The following RGS14 variants were observed in gnomAD, a reference collection of about 807,000 sequenced individuals.
RGS14 encodes the protein regulator of G protein signaling 14, also known as regulator of G-protein signaling 14.
Under a neutral mutation model 63.8 loss-of-function variants are expected in RGS14, and 33 were observed. That is an observed-to-expected ratio of 0.52 (90% CI 0.39 to 0.69). RGS14 has a LOEUF of 0.69. RGS14 is among the 30% of genes least tolerant of loss of function. The pLI is 0.00. For missense variants in RGS14, 739 were observed against 742.9 expected, an observed-to-expected ratio of 0.99 and a Z score of 0.06; for synonymous variants, 296 against 320.9, an observed-to-expected ratio of 0.92 and a Z score of 0.83.
intron 1 of RGS14, among the ~76,000 whole-genome samples, chr5:177,361,520 G>A (rs1224359514): frequency 6.6e-6 from 1 of 152,170 alleles, no homozygotes; most frequent in Non-Finnish European, 1.5e-5. Context: ...AGAGGGTGGG[G>A]AGGCCTCAGG....
intron 1 of RGS14, among the ~76,000 whole-genome samples, chr5:177,360,774 G>A (rs1205915253): frequency 3.9e-5 from 6 of 151,990 alleles, no homozygotes; most frequent in African/African-American, 4.8e-5. Flanking sequence ...TTAGCTGGGC[G>A]TGGTGGTATG....
In RGS14 at chr5:177,368,814, C is replaced by T; in HGVS notation, c.947C>T (p.Ala316Val). ...VYLPDGTASL[A>V]LARPGLTIRD... The stretch of plus-strand genomic sequence containing the variant: ...CTGCCCGATGGCACAGCCTCCTTGG[C>T]CCTGGCCAGACCTGGCCTCACCATC... Residue 316 changes from alanine (A) to valine (V), a missense_variant, in exon 9 of 15, where the codon GCC becomes GTC. Ala to Val is a moderately conservative substitution (Grantham distance 64). Transcript: ENST00000408923. 6.2e-7 allele frequency: 1 copy of T among 1,614,208 alleles called. No individual in the cohort carries two copies. The highest frequency in any genetic ancestry group is 8.5e-7 in the Non-Finnish European group (1 of 1,180,020).
intron 1 of RGS14, among the ~76,000 whole-genome samples, chr5:177,362,365 G>A (rs991740186): frequency 2.6e-5 from 4 of 152,158 alleles, no homozygotes; most frequent in African/African-American, 9.7e-5. Flanking sequence ...TGGCTGCTTG[G>A]GAGCACGAGG....
Position 177,367,758 on chromosome 5 carries a change from G to A in RGS14, c.672G>A (p.Glu224=). The A allele has an allele frequency of 1.2e-6, 2 of 1,613,234 alleles. No individual in the cohort carries two copies. The highest frequency in any genetic ancestry group is 1.7e-6 in the Non-Finnish European group (2 of 1,179,768). ...KPGKSLPLGV[E]ELGQLPPVEG... is the part of the protein sequence containing the mutation. ...GGAAGTCGCTGCCGCTGGGTGTGGA[G>A]GAGTTGGGGCAGCTGCCACCCGTTG... Residue 224 remains glutamate, a synonymous_variant, in exon 7 of 15, where the codon GAG becomes GAA. Coordinates refer to ENST00000408923, the MANE Select transcript of RGS14 (RefSeq NM_006480.5).
intron 7 of RGS14, 47 bp downstream of exon 7, chr5:177,367,872 G>C (rs766512982): frequency 2.7e-6 from 4 of 1,498,804 alleles, no homozygotes; most frequent in Non-Finnish European, 1.8e-6. Context: ...GCGGGAGTTT[G>C]GTTAAATTTG....
chr5:177,368,698 C>G lies in RGS14; in HGVS notation c.850-19C>G, dbSNP rs757908726. On this transcript the variant is annotated intron_variant, in intron 8 of 14. Transcript: ENST00000408923. ...TTGCATGTGTACACATAATCTCCCC[C>G]ACTCCTGCCATGAATCAGAGCCACC... 5.0e-6 allele frequency: 8 copies of G among 1,612,762 alleles called. No homozygotes were observed. In the African/African-American group the frequency reaches 5.3e-5, roughly 11 times the overall value.
At chr5:177,366,573 CGTCTGTCTGTCTGGCCCT>C (rs1762097361) in intron 3 of RGS14, 117 bp from the exon 4 acceptor site, 9 of 888,768 alleles carry the variant, frequency 1.0e-5, no homozygotes, top group African/African-American at 5.0e-5. Flanking sequence ...GGTCTGGCTC[CGTCTGTCTGTCTGGCCCT>C]GTCTGTCTGG....
intron 1 of RGS14, among the ~76,000 whole-genome samples, chr5:177,360,679 C>T (rs11956372): frequency 0.041 from 6,190 of 151,458 alleles, 428 homozygotes; most frequent in African/African-American, 0.14. Context: ...TTTAGGAGGC[C>T]GAGGCGGGCA....
chr5:177,371,079 C>CCGGGGCCGGGGA lies in RGS14; in HGVS notation c.1254+59_1254+60insACGGGGCCGGGG, dbSNP rs1762246829. The stretch of plus-strand genomic sequence containing the variant: ...GGGGCGGGGCGGGGCCGGGCCGGGG[C>CCGGGGCCGGGGA]CGGGGCCGGGGCCGGGGCCGGGGCC... On this transcript the variant is annotated intron_variant, in intron 11 of 14. Coordinates refer to ENST00000408923, the MANE Select transcript of RGS14 (RefSeq NM_006480.5). This position sits in a 1 kb window ranked among gnomAD's most constrained non-coding sequence, Gnocchi z 6.1. 4.3e-6 allele frequency: 1 copy of CCGGGGCCGGGGA among 233,096 alleles called. No homozygotes were observed. 14.4% of individuals were successfully genotyped at this position (233,096 alleles called of 1,614,324 possible).
At chr5:177,366,376 G>A in intron 3 of RGS14, 21 bp downstream of exon 3, 2 of 1,525,194 alleles carry the variant, frequency 1.3e-6, no homozygotes, top group Non-Finnish European at 1.8e-6. Flanking sequence ...GGTAGGGAAA[G>A]GGAAGGGGGG....
chr5:177,362,827 C>G (rs751551571), intron 1 of RGS14, among the ~76,000 whole-genome samples: 1 of 152,114 alleles, frequency 6.6e-6, no homozygotes, highest in Non-Finnish European at 1.5e-5. Flanking sequence ...GAGGATCTAG[C>G]AGGCAGCCCC....
rs1284810604 is a variant in RGS14 at position 177,366,691 on chromosome 5, C to A, written c.247-17C>A. Reference sequence around the variant, plus strand: ...GTCTCTGAGTCTCTGCCTGCCTCCCCCTCCTTCCCCTCCCAGGAGTTCCTG... The same window carrying A: ...GTCTCTGAGTCTCTGCCTGCCTCCCACTCCTTCCCCTCCCAGGAGTTCCTG... On this transcript the variant is annotated splice_polypyrimidine_tract_variant and intron_variant, in intron 3 of 14. Transcript: ENST00000408923. 1.9e-6 allele frequency: 3 copies of A among 1,612,782 alleles called. No individual in the cohort carries two copies. The highest frequency in any genetic ancestry group is 1.3e-5 in the African/African-American group (1 of 74,904).
In RGS14 at chr5:177,366,779, C is replaced by T. The variant is rs1330333736; in HGVS notation, c.318C>T (p.Ile106=). 1.2e-6 allele frequency: 2 copies of T among 1,614,044 alleles called. No individual in the cohort carries two copies. The highest frequency in any genetic ancestry group is 1.7e-6 in the Non-Finnish European group (2 of 1,180,036). ...FWKACERFQQ[I]PASDTQQLAQ... Reference sequence around the variant, plus strand: ...AGGCCTGCGAGCGCTTCCAGCAGATCCCGGCCAGCGATACCCAGCAGGTGG... The same window carrying T: ...AGGCCTGCGAGCGCTTCCAGCAGATTCCGGCCAGCGATACCCAGCAGGTGG... The change falls in exon 4 of 15, where the codon ATC becomes ATT. Residue 106 remains isoleucine, a synonymous_variant. Transcript: ENST00000408923.
In RGS14 at chr5:177,371,766, G is replaced by A; in HGVS notation, c.1499-107G>A. The A allele has an allele frequency of 5.2e-6, 7 of 1,338,486 alleles. No homozygotes were observed. The highest frequency in any genetic ancestry group is 7.3e-6 in the Non-Finnish European group (7 of 962,048). 82.9% of individuals were successfully genotyped at this position (1,338,486 alleles called of 1,614,324 possible). ...TGGAACAGGGGGCCGCAGGCCATTG[G>A]TGCTGGGGCCAGGGAGGCAGTGGCC... On this transcript the variant is annotated intron_variant, in intron 14 of 14. Coordinates refer to ENST00000408923, the MANE Select transcript of RGS14 (RefSeq NM_006480.5). The surrounding 1 kb of genome is among the most constrained non-coding windows in gnomAD (Gnocchi z 6.1).
In RGS14 at chr5:177,359,549, T is replaced by A. The variant is rs1458230213; in HGVS notation, c.45+1480T>A. ...TGCCCCTTCTGTGTCAGCCTGTGAC[T>A]TCTCTACTCAAAAGTCACCTAGAGC... On this transcript the variant is annotated intron_variant, in intron 1 of 14. Transcript: ENST00000408923. This position sits in a 1 kb window ranked among gnomAD's most constrained non-coding sequence, Gnocchi z 4.4. 6.6e-6 allele frequency among the ~76,000 whole-genome samples: 1 copy of A among 152,148 alleles called. No individual in the cohort carries two copies. The highest frequency in any genetic ancestry group is 2.4e-5 in the African/African-American group (1 of 41,434).
chr5:177,367,670 G>A (rs1463904071), intron 6 of RGS14, 44 bp from the exon 7 acceptor site: 1 of 1,598,280 alleles, frequency 6.3e-7, no homozygotes, highest in Non-Finnish European at 8.5e-7. Flanking sequence ...TCTGCATGCG[G>A]GCTGGGGCCC....
chr5:177,361,453 G>C (rs1025671693), intron 1 of RGS14, among the ~76,000 whole-genome samples: 3 of 152,160 alleles, frequency 2.0e-5, no homozygotes, highest in Non-Finnish European at 2.9e-5. Flanking sequence ...TGTGCCCCAA[G>C]GGCTGAGGCC....
intron 7 of RGS14, 85 bp from the exon 8 acceptor site, chr5:177,368,072 C>T (rs1762145363): frequency 1.3e-6 from 2 of 1,546,428 alleles, no homozygotes; most frequent in East Asian, 2.3e-5. Flanking sequence ...TGGCTCCAAA[C>T]AAGGCCCACC....
At chr5:177,362,738 G>A (rs1761995507) in intron 1 of RGS14, among the ~76,000 whole-genome samples, 1 of 152,018 alleles carries the variant, frequency 6.6e-6, no homozygotes, top group African/African-American at 2.4e-5. Context: ...GGTTTTAGCC[G>A]TAACCTGGCA....
Sources: gnomAD v4.1 joint callset for allele counts (sites outside exome capture counted in the v4.1 genomes callset) on GRCh38, gnomAD v4.1.1 for gene constraint, Gnocchi (gnomAD v3.1) non-coding constraint, MANE v1.5 for transcripts, NCBI Gene and HGNC (gene_info 2026-07-23, HGNC 2026-07-21) for gene names.